Variants in XPO4 observed in about 807,000 individuals in gnomAD.
XPO4 encodes the protein exportin-4.
XPO4 carries 39 observed loss-of-function variants against 143.0 expected under a neutral mutation model. The ratio of observed to expected loss-of-function variants is 0.27; its 90% CI spans 0.21 to 0.36. The LOEUF (loss-of-function observed/expected upper bound fraction) is 0.36, where lower values mean the gene tolerates loss of function less well. Among genes scored for constraint, XPO4 ranks in the 10% least tolerant of loss-of-function variants. The probability of loss-of-function intolerance (pLI) is 1.00; values close to 1 mark genes in which losing one functional copy is unlikely to be tolerated. For missense variants in XPO4, 907 were observed against 1,348.0 expected (o/e 0.67, Z 5.12); for synonymous variants, 439 against 474.0 (o/e 0.93, Z 0.96).
intron 1 of XPO4, among the ~76,000 whole-genome samples, chr13:20,899,507 T>G (rs1222991630): frequency 6.6e-6 from 1 of 152,168 alleles, no homozygotes; most frequent in Non-Finnish European, 1.5e-5. Flanking sequence ...GGAGAATGCT[T>G]AGACTTGATT....
At chr13:20,804,457 C>T (rs911285644) in intron 13 of XPO4, among the ~76,000 whole-genome samples, 2 of 132,868 alleles carry the variant, frequency 1.5e-5, no homozygotes, top group African/African-American at 5.5e-5. Context: ...TCAGGGACCC[C>T]TTTCCTATAA....
intron 1 of XPO4, among the ~76,000 whole-genome samples, chr13:20,891,121 T>TAA (rs1566629726): frequency 3.5e-5 from 3 of 85,984 alleles, no homozygotes; most frequent in African/African-American, 4.8e-5. Context: ...CCATCTCAAT[T>TAA]TAAAAAAAAA....
At chr13:20,830,251 G>A (rs903145616) in intron 6 of XPO4, among the ~76,000 whole-genome samples, 2 of 152,096 alleles carry the variant, frequency 1.3e-5, no homozygotes, top group Non-Finnish European at 2.9e-5. Context: ...AGATTTATGA[G>A]TTAGTATGTA....
chr13:20,897,584 G>A (rs757913762), intron 1 of XPO4, among the ~76,000 whole-genome samples: 4 of 152,084 alleles, frequency 2.6e-5, no homozygotes, highest in African/African-American at 4.8e-5. Flanking sequence ...TGCTTCTTCT[G>A]TCTCCTCAGC....
chr13:20,840,542 C>T (rs1335652959), intron 6 of XPO4, among the ~76,000 whole-genome samples: 1 of 152,148 alleles, frequency 6.6e-6, no homozygotes, highest in Non-Finnish European at 1.5e-5. Flanking sequence ...CAATTCAACA[C>T]TTTTAAACTA....
intron 9 of XPO4, among the ~76,000 whole-genome samples, chr13:20,814,174 T>A (rs1361926749): frequency 4.2e-5 from 6 of 142,930 alleles, no homozygotes; most frequent in African/African-American, 1.3e-4. Context: ...AATAGCATCC[T>A]CTGACTCACC....
chr13:20,901,219 A>G (rs1260747477), intron 1 of XPO4, among the ~76,000 whole-genome samples: 4 of 152,236 alleles, frequency 2.6e-5, no homozygotes, highest in Non-Finnish European at 5.9e-5. Context: ...ACTTACTACT[A>G]TTCTTCTCAC....
intron 6 of XPO4, among the ~76,000 whole-genome samples, chr13:20,828,077 A>G (rs1410624133): frequency 1.3e-5 from 2 of 152,122 alleles, no homozygotes; most frequent in Non-Finnish European, 2.9e-5. Flanking sequence ...TCTCTACTAA[A>G]AATACAAAAA....
In XPO4 at chr13:20,780,430, A is replaced by G. The variant is rs563279535; in HGVS notation, c.*3292T>C. 2.6e-5 allele frequency: 4 copies of G among 152,338 alleles called. No individual in the cohort carries two copies. In the East Asian group the frequency reaches 5.8e-4, roughly 22 times the overall value. 9.4% of individuals were successfully genotyped at this position (152,338 alleles called of 1,614,324 possible). On this transcript the variant is annotated 3_prime_UTR_variant, in exon 23 of 23. Transcript: ENST00000255305. ...AGAAGTATTAACAGAAATGGGAAAC[A>G]TGGTGATATTACAACTATAAAGACT...
At chr13:20,902,613 G>A in intron 1 of XPO4, 57 bp downstream of exon 1, 1 of 1,497,166 alleles carries the variant, frequency 6.7e-7, no homozygotes, top group Non-Finnish European at 8.9e-7. Context: ...GGCCTGGAGT[G>A]GCAGGGCCGA....
At chr13:20,823,583 T>TC (rs2059746989) in intron 7 of XPO4, among the ~76,000 whole-genome samples, 1 of 151,882 alleles carries the variant, frequency 6.6e-6, no homozygotes, top group African/African-American at 2.4e-5. Flanking sequence ...TTTTCTTTTT[T>TC]CCATTTTTGT....
At position 20,830,822 on chromosome 13, in the gene XPO4, G is replaced by A. The variant is rs1595106851; in HGVS notation, c.728-3643C>T. ...ACAGACTATGCTGGCTTTTATATGGGAGAAAGGCTTACTATGCATTGTATA... is the reference window on the plus strand; with the variant it reads ...ACAGACTATGCTGGCTTTTATATGGAAGAAAGGCTTACTATGCATTGTATA... On this transcript the variant is annotated intron_variant, in intron 6 of 22. Coordinates refer to ENST00000255305, the MANE Select transcript of XPO4 (RefSeq NM_022459.5). Among the ~76,000 whole-genome samples the A allele has an allele frequency of 2.0e-5, 3 of 152,174 alleles. No individual in the cohort carries two copies. The East Asian group carries it at 5.8e-4, about 29-fold the overall frequency.
At chr13:20,862,933 A>G (rs1471355711) in intron 2 of XPO4, 75 bp from the exon 3 acceptor site, 8 of 1,585,444 alleles carry the variant, frequency 5.0e-6, no homozygotes, top group Middle Eastern at 2.0e-4. Context: ...ATTAATTTTA[A>G]AACAGAACTT....
At chr13:20,809,323 C>A in intron 10 of XPO4, 98 bp from the exon 11 acceptor site, 1 of 1,436,368 alleles carries the variant, frequency 7.0e-7, no homozygotes, top group Non-Finnish European at 9.3e-7. Context: ...CTAAGCACTG[C>A]ATAGCAAAAG....
intron 16 of XPO4, among the ~76,000 whole-genome samples, chr13:20,798,872 T>A (rs2031438702): frequency 6.6e-6 from 1 of 151,726 alleles, no homozygotes; most frequent in African/African-American, 2.4e-5. Flanking sequence ...AAAACAAAAA[T>A]TAGCTGGGTA....
chr13:20,810,019 A>G (rs780157190), intron 9 of XPO4, 52 bp from the exon 10 acceptor site: 5 of 1,466,718 alleles, frequency 3.4e-6, no homozygotes, highest in South Asian at 1.4e-5. Flanking sequence ...GACAATTGGC[A>G]TAACAACAGT....
rs545740120 is a variant in XPO4, at chr13:20,868,178, A to T, written c.175+418T>A. 9.2e-5 allele frequency among the ~76,000 whole-genome samples: 14 copies of T among 151,962 alleles called. No individual in the cohort carries two copies. In the East Asian group the frequency reaches 2.3e-3, roughly 25 times the overall value. Reference sequence around the variant, plus strand: ...TACAAACTAAATGGTTAAAAAAAAAAAAAACTATGGAAAACAACTAAAAGA... The same window carrying T: ...TACAAACTAAATGGTTAAAAAAAAATAAAACTATGGAAAACAACTAAAAGA... On this transcript the variant is annotated intron_variant, in intron 2 of 22. Transcript: ENST00000255305.
chr13:20,812,178 C>A (rs1595082733), intron 9 of XPO4, among the ~76,000 whole-genome samples: 1 of 152,058 alleles, frequency 6.6e-6, no homozygotes, highest in Non-Finnish European at 1.5e-5. Flanking sequence ...CAAGACCAGC[C>A]TGGCCAACAT....
Position 20,806,539 on chromosome 13 carries a change from C to CTT in XPO4, c.1817+916_1817+917dup, listed in dbSNP as rs3056347. Among the ~76,000 whole-genome samples, 197 of 61,648 alleles carry CTT rather than the reference C, an allele frequency of 3.2e-3. 12 individuals carry two copies. Among genetic ancestry groups the CTT allele is most frequent in the African/African-American group, 0.013 (185 of 14,734 alleles). The allele number at this position is 61,648 out of a possible 152,430, so 40.4% of individuals were successfully genotyped here. A position where few individuals can be genotyped will look rare whatever the true frequency, so the allele number is the denominator to read the frequency against. On this transcript the variant is annotated intron_variant, in intron 13 of 22. Coordinates refer to ENST00000255305, the MANE Select transcript of XPO4 (RefSeq NM_022459.5). ...TGTTTTCAAATTCACTTTCAGGACCCTTTTTTTTTTTTTTTTTTTTTTTTT... is the reference window on the plus strand; with the variant it reads ...TGTTTTCAAATTCACTTTCAGGACCCTTTTTTTTTTTTTTTTTTTTTTTTTTT...
Sources: gnomAD v4.1 joint callset for allele counts (sites outside exome capture counted in the v4.1 genomes callset) on GRCh38, gnomAD v4.1.1 for gene constraint, MANE v1.5 for transcripts, NCBI Gene and HGNC (gene_info 2026-07-23, HGNC 2026-07-21) for gene names.